CDH4: variants seen among roughly 807,000 people sequenced by gnomAD.
CDH4 encodes cadherin-4.
Under a neutral mutation model 86.0 loss-of-function variants are expected in CDH4, and 33 were observed. The ratio of observed to expected loss-of-function variants is 0.38; its 90% CI spans 0.29 to 0.51. The LOEUF is 0.51. Ranked by LOEUF, CDH4 falls within the 20% of genes least tolerant of loss-of-function variation. CDH4 has a pLI of 0.86. For missense variants in CDH4, 1,114 were observed against 1,307.4 expected, an observed-to-expected ratio of 0.85 and a Z score of 2.28; for synonymous variants, 555 against 549.4, an observed-to-expected ratio of 1.01 and a Z score of -0.14.
At chr20:61,779,071 CCA>C (rs1245338712) in intron 4 of CDH4, among the ~76,000 whole-genome samples, 1 of 152,196 alleles carries the variant, frequency 6.6e-6, no homozygotes, top group Non-Finnish European at 1.5e-5. Context: ...TTTTAAAACG[CCA>C]CTTGCTTGGC....
At chr20:61,620,226 G>GCAGGCTGGTAGGCAGA (rs1568716907) in intron 2 of CDH4, among the ~76,000 whole-genome samples, 28 of 131,496 alleles carry the variant, frequency 2.1e-4, no homozygotes, top group African/African-American at 8.0e-4. Context: ...AGGCTGGTAG[G>GCAGGCTGGTAGGCAGA]CAGACAGACA....
intron 7 of CDH4, among the ~76,000 whole-genome samples, chr20:61,889,230 G>A (rs1273583686): frequency 6.6e-6 from 1 of 152,218 alleles, no homozygotes; most frequent in Non-Finnish European, 1.5e-5. Context: ...ATGGATGAGA[G>A]GACCTCAGCT....
intron 2 of CDH4, among the ~76,000 whole-genome samples, chr20:61,279,212 C>A (rs1162222790): frequency 6.6e-6 from 1 of 152,214 alleles, no homozygotes; most frequent in Non-Finnish European, 1.5e-5. Context: ...CAGAGCCAGG[C>A]TCCAGAGGGA....
chr20:61,763,868 C>T (rs1030534584), intron 3 of CDH4, among the ~76,000 whole-genome samples: 1 of 152,200 alleles, frequency 6.6e-6, no homozygotes, highest in Admixed American at 6.5e-5. Flanking sequence ...TAACTTTTCG[C>T]ATGTAGCTTG....
intron 4 of CDH4, among the ~76,000 whole-genome samples, chr20:61,824,822 C>A (rs1430311825): frequency 6.6e-6 from 1 of 152,116 alleles, no homozygotes; most frequent in East Asian, 1.9e-4. Flanking sequence ...GGGCCATGTG[C>A]CTTGTAAGAA....
At chr20:61,867,535 G>C (rs1259257990) in intron 6 of CDH4, among the ~76,000 whole-genome samples, 1 of 136,750 alleles carries the variant, frequency 7.3e-6, no homozygotes, top group African/African-American at 2.8e-5. Flanking sequence ...GGGCGACAGA[G>C]CAAGACTCCA....
At chr20:61,730,958 A>G (rs1337035505) in intron 2 of CDH4, among the ~76,000 whole-genome samples, 8 of 147,818 alleles carry the variant, frequency 5.4e-5, no homozygotes, top group Admixed American at 5.4e-4. Context: ...TCCCACGTGG[A>G]AGGTAGCACC....
rs149231472 is a variant in CDH4 at position 61,929,751 on chromosome 20, C to G, written c.2148C>G (p.Asn716Lys). ...TCAAGGTGTGCCCATGTGATGACAACGGGGACTGCACCACCATTGGCGCAG... is the reference window on the plus strand; with the variant it reads ...TCAAGGTGTGCCCATGTGATGACAAGGGGGACTGCACCACCATTGGCGCAG... ...IKVKVCPCDD[N>K]GDCTTIGAVA... The change falls in exon 13 of 16, where the codon AAC (asparagine) becomes AAG (lysine). Residue 716 changes from asparagine (N) to lysine (K), a missense_variant. This residue lies in a region of CDH4 where 705 missense variants were observed against 914.1 expected (regional missense o/e 0.77). Coordinates refer to ENST00000614565, the MANE Select transcript of CDH4 (RefSeq NM_001794.5). 5 of 1,614,058 alleles carry G rather than the reference C, an allele frequency of 3.1e-6. No homozygotes were observed. In the East Asian group the frequency reaches 8.9e-5, roughly 29 times the overall value.
intron 2 of CDH4, among the ~76,000 whole-genome samples, chr20:61,682,126 C>T (rs2087521737): frequency 6.6e-6 from 1 of 152,048 alleles, no homozygotes; most frequent in Admixed American, 6.5e-5. Context: ...GAAGGTGGAC[C>T]AAGGAATGGG....
intron 2 of CDH4, among the ~76,000 whole-genome samples, chr20:61,318,661 C>T (rs1390024790): frequency 6.6e-6 from 1 of 152,178 alleles, no homozygotes; most frequent in Admixed American, 6.5e-5. Flanking sequence ...AATACATGCT[C>T]AATGCATAGC....
At chr20:61,380,622 A>G (rs4541305) in intron 2 of CDH4, among the ~76,000 whole-genome samples, 37,417 of 151,714 alleles carry the variant, frequency 0.25, 4,979 homozygotes, top group African/African-American at 0.34. Flanking sequence ...CGGGAGGATG[A>G]AAGGCAGTTC....
chr20:61,572,824 T>TGGATGG (rs1555809980), intron 2 of CDH4, among the ~76,000 whole-genome samples: 5 of 146,062 alleles, frequency 3.4e-5, no homozygotes, highest in African/African-American at 1.3e-4. Flanking sequence ...TTCAGAACAC[T>TGGATGG]ATGGATGGAT....
chr20:61,778,932 G>A (rs897056056), intron 4 of CDH4, among the ~76,000 whole-genome samples: 2 of 152,286 alleles, frequency 1.3e-5, no homozygotes, highest in Admixed American at 6.5e-5. Context: ...GGGCTTCAGG[G>A]GAGAGAGGAT....
chr20:61,767,491 A>G (rs1039570318), intron 3 of CDH4, among the ~76,000 whole-genome samples: 2 of 152,196 alleles, frequency 1.3e-5, no homozygotes, highest in Non-Finnish European at 2.9e-5. Flanking sequence ...TGAGCCTGGC[A>G]TGAGGATGAG....
rs372708280 is a variant in CDH4 at position 61,811,682 on chromosome 20, CTTTTTTTTTT to C, written c.577-32977_577-32968del. Among the ~76,000 whole-genome samples the C allele has an allele frequency of 3.1e-5, 4 of 127,492 alleles. No individual in the cohort carries two copies. Among genetic ancestry groups the C allele is most frequent in the Non-Finnish European group, 6.6e-5 (4 of 60,548 alleles). 83.6% of individuals were successfully genotyped at this position (127,492 alleles called of 152,430 possible). ...GTCACGCCCCTGGCTGCCTACTGAG[CTTTTTTTTTT>C]TTTTTTTTGAGTTGGCACCCCCAGG... On this transcript the variant is annotated intron_variant, in intron 4 of 15. Coordinates refer to ENST00000614565, the MANE Select transcript of CDH4 (RefSeq NM_001794.5). The surrounding 1 kb of genome is among the most constrained non-coding windows in gnomAD (Gnocchi z 4.4).
intron 2 of CDH4, among the ~76,000 whole-genome samples, chr20:61,504,628 G>A (rs1321605570): frequency 6.6e-6 from 1 of 152,228 alleles, no homozygotes; most frequent in Non-Finnish European, 1.5e-5. Context: ...GCAGAGCGGA[G>A]GATCCAGGCC....
At chr20:61,757,536 C>G (rs573893284) in intron 3 of CDH4, among the ~76,000 whole-genome samples, 25 of 152,322 alleles carry the variant, frequency 1.6e-4, no homozygotes, top group African/African-American at 6.0e-4. Context: ...CCAGACTCCC[C>G]AGGACCAGGC....
Position 61,829,611 on chromosome 20 carries a change from A to T in CDH4, c.577-15057A>T, listed in dbSNP as rs544619845. ...CGGCTCTGCGGGCCTCCTGTTGAGG[A>T]AGCCCTGGCGAGTGGGGGCTCCTCT... On this transcript the variant is annotated intron_variant, in intron 4 of 15. Transcript: ENST00000614565. The surrounding 1 kb of genome is among the most constrained non-coding windows in gnomAD (Gnocchi z 4.2). Among the ~76,000 whole-genome samples, 61 of 152,304 alleles carry T rather than the reference A, an allele frequency of 4.0e-4. No homozygotes were observed. The highest frequency in any genetic ancestry group is 1.4e-3 in the African/African-American group (60 of 41,568).
intron 2 of CDH4, among the ~76,000 whole-genome samples, chr20:61,546,119 T>G (rs1208303839): frequency 5.8e-5 from 2 of 34,380 alleles, no homozygotes; most frequent in Non-Finnish European, 1.2e-4. Context: ...TGCATGTGTG[T>G]GGGGGTATGT....
Sources: gnomAD v4.1 joint callset for allele counts (sites outside exome capture counted in the v4.1 genomes callset) on GRCh38, gnomAD v4.1.1 for gene constraint, gnomAD v4.1.1 regional missense constraint, Gnocchi (gnomAD v3.1) non-coding constraint, MANE v1.5 for transcripts, NCBI Gene and HGNC (gene_info 2026-07-23, HGNC 2026-07-21) for gene names.